Variants in FRMPD4 observed in about 807,000 individuals in gnomAD.
FRMPD4 encodes FERM and PDZ domain-containing protein 4.
Under a neutral mutation model 94.1 loss-of-function variants are expected in FRMPD4, and 22 were observed. The observed-to-expected ratio is 0.23, with a 90% CI of 0.17 to 0.33. FRMPD4 has a LOEUF of 0.33. FRMPD4 is among the 10% of genes least tolerant of loss of function. The pLI is 1.00. For missense variants in FRMPD4, 1,111 were observed against 1,339.9 expected, an observed-to-expected ratio of 0.83 and a Z score of 2.67; for synonymous variants, 631 against 548.6, an observed-to-expected ratio of 1.15 and a Z score of -2.10.
chrX:11,855,895 T>G (rs889644714), intron 1 of FRMPD4, among the ~76,000 whole-genome samples: 2 of 112,275 alleles, frequency 1.8e-5, no homozygotes, highest in Non-Finnish European at 3.8e-5. Flanking sequence ...TTTGGATTTC[T>G]TTACAGCAGC....
chrX:12,302,631 G>A (rs1274856934), intron 1 of FRMPD4, among the ~76,000 whole-genome samples: 2 of 111,487 alleles, frequency 1.8e-5, no homozygotes, highest in African/African-American at 6.5e-5. Flanking sequence ...CTCTTAGATA[G>A]CAAGTCTATT....
intron 3 of FRMPD4, among the ~76,000 whole-genome samples, chrX:11,945,050 T>C (rs992634462): frequency 3.6e-5 from 4 of 112,156 alleles, no homozygotes; most frequent in African/African-American, 1.3e-4. Flanking sequence ...CCCTAGACTA[T>C]TGATGTCAGA....
At chrX:12,637,023 G>T (rs1780142096) in intron 4 of FRMPD4, among the ~76,000 whole-genome samples, 1 of 112,315 alleles carries the variant, frequency 8.9e-6, no homozygotes, top group South Asian at 3.7e-4. Context: ...AGTGGGAAAT[G>T]ATATGTAGTA....
In FRMPD4 at chrX:12,716,866, T is replaced by C. The variant is rs201910320; in HGVS notation, c.2407T>C (p.Leu803=). Residue 803 remains leucine, a synonymous_variant, in exon 15 of 17, where the codon TTG becomes CTG. Transcript: ENST00000675598. ...DNEDDFLLRS[L]NMAIAAPPPG... Reference sequence around the variant, plus strand: ...TGAGGATGACTTCCTGTTGCGTTCCTTGAACATGGCCATTGCCGCACCCCC... The same window carrying C: ...TGAGGATGACTTCCTGTTGCGTTCCCTGAACATGGCCATTGCCGCACCCCC... 25 of 1,210,138 alleles carry C rather than the reference T, an allele frequency of 2.1e-5. No individual in the cohort carries two copies. In the Admixed American group the frequency reaches 3.7e-4, roughly 18 times the overall value.
intron 3 of FRMPD4, among the ~76,000 whole-genome samples, chrX:12,021,594 C>G (rs1467679219): frequency 9.0e-6 from 1 of 111,490 alleles, no homozygotes; most frequent in African/African-American, 3.3e-5. Flanking sequence ...AAAAGCCTCC[C>G]CTGCCTGCTT....
At chrX:11,898,344 G>A (rs1291305196) in intron 3 of FRMPD4, among the ~76,000 whole-genome samples, 3 of 111,633 alleles carry the variant, frequency 2.7e-5, no homozygotes, top group Non-Finnish European at 5.7e-5. Context: ...CTGTCCCAGT[G>A]TCTTCTCTCA....
chrX:12,086,555 A>G, intron 3 of FRMPD4, among the ~76,000 whole-genome samples: 1 of 111,579 alleles, frequency 9.0e-6, no homozygotes, highest in Middle Eastern at 4.6e-3. Context: ...GAGAAATGAG[A>G]GAATTTGGGT....
At chrX:11,909,348 A>G (rs963599440) in intron 3 of FRMPD4, among the ~76,000 whole-genome samples, 3 of 112,244 alleles carry the variant, frequency 2.7e-5, no homozygotes, top group Non-Finnish European at 3.8e-5. Context: ...AACATTGGTC[A>G]TAATAGTCCC....
At chrX:12,708,948 T>G (rs2041930892) in intron 13 of FRMPD4, 1 of 113,604 alleles carries the variant, frequency 8.8e-6, no homozygotes, top group Non-Finnish European at 1.9e-5. Flanking sequence ...AAGCTGAAAG[T>G]GTGAGGATAG....
chrX:12,710,544 T>A lies in FRMPD4; in HGVS notation c.1609+7T>A, dbSNP rs760449228. 9.2e-6 allele frequency: 11 copies of A among 1,195,767 alleles called. No individual in the cohort carries two copies. The South Asian group carries it at 1.8e-4, about 19-fold the overall frequency. On this transcript the variant is annotated splice_region_variant and intron_variant, in intron 14 of 16. Transcript: ENST00000675598. ...ACAGCGACCCAGGAAACAGGTATTC[T>A]CTTCCTGAACTCATCAAGCACTGAC...
intron 4 of FRMPD4, among the ~76,000 whole-genome samples, chrX:12,658,548 C>G (rs1430534785): frequency 8.9e-6 from 1 of 111,953 alleles, no homozygotes; most frequent in Non-Finnish European, 1.9e-5. Context: ...CAATAACCAC[C>G]CTGTCATTTG....
chrX:12,272,517 A>G (rs1036051007), intron 1 of FRMPD4, among the ~76,000 whole-genome samples: 1 of 111,397 alleles, frequency 9.0e-6, no homozygotes, highest in African/African-American at 3.3e-5. Flanking sequence ...CATCTGATGA[A>G]ATGATTATGG....
intron 3 of FRMPD4, among the ~76,000 whole-genome samples, chrX:11,906,782 A>T (rs946291359): frequency 9.0e-6 from 1 of 111,100 alleles, no homozygotes; most frequent in Non-Finnish European, 1.9e-5. Context: ...AAAGTTGTAA[A>T]AATTATTTCT....
intron 1 of FRMPD4, among the ~76,000 whole-genome samples, chrX:12,199,956 A>G (rs2056613218): frequency 9.1e-6 from 1 of 110,252 alleles, no homozygotes; most frequent in East Asian, 2.9e-4. Flanking sequence ...AGACCACAAG[A>G]CCAAATGAGC....
intron 1 of FRMPD4, among the ~76,000 whole-genome samples, chrX:12,321,481 A>G (rs897116799): frequency 4.5e-5 from 5 of 112,131 alleles, no homozygotes; most frequent in African/African-American, 9.7e-5. Context: ...CTTACTATAA[A>G]ATAGGCTTTA....
intron 3 of FRMPD4, among the ~76,000 whole-genome samples, chrX:12,091,542 T>C (rs1031475905): frequency 8.9e-6 from 1 of 112,411 alleles, no homozygotes; most frequent in Non-Finnish European, 1.9e-5. Flanking sequence ...AACAGAATGA[T>C]ATATTTCCCC....
intron 1 of FRMPD4, among the ~76,000 whole-genome samples, chrX:12,280,126 G>A (rs1221618939): frequency 9.1e-6 from 1 of 109,784 alleles, no homozygotes; most frequent in East Asian, 2.8e-4. Flanking sequence ...CCACACACAC[G>A]TCCACTCTCC....
intron 3 of FRMPD4, among the ~76,000 whole-genome samples, chrX:11,897,972 G>A (rs2053913426): frequency 8.9e-6 from 1 of 111,818 alleles, no homozygotes; most frequent in African/African-American, 3.3e-5. Context: ...GATGACATTT[G>A]CATCAAATCC....
intron 3 of FRMPD4, among the ~76,000 whole-genome samples, chrX:12,007,277 T>A (rs1419686195): frequency 8.9e-6 from 1 of 111,914 alleles, no homozygotes; most frequent in Non-Finnish European, 1.9e-5. Flanking sequence ...ATGTTGGAAT[T>A]GGATCGTTTT....
Sources: allele counts gnomAD v4.1 joint callset (sites outside exome capture counted in the v4.1 genomes callset), GRCh38; gene constraint gnomAD v4.1.1; transcripts MANE v1.5; gene names NCBI Gene and HGNC (gene_info 2026-07-23, HGNC 2026-07-21).